LRMDA: variants seen among roughly 807,000 people sequenced by gnomAD.
The protein encoded by LRMDA is leucine rich melanocyte differentiation associated.
A neutral mutation model predicts 29.8 loss-of-function variants in LRMDA; 18 were observed. That is an observed-to-expected ratio of 0.60 (90% CI 0.42 to 0.90). The LOEUF is 0.90. LRMDA is among the 40% of genes least tolerant of loss of function. The pLI is 0.00. For missense variants in LRMDA, 273 were observed against 273.9 expected, an observed-to-expected ratio of 1.00 and a Z score of 0.02; for synonymous variants, 125 against 109.4, an observed-to-expected ratio of 1.14 and a Z score of -0.89.
chr10:76,517,878 C>T (rs1012597316), intron 6 of LRMDA, among the ~76,000 whole-genome samples: 4 of 148,358 alleles, frequency 2.7e-5, no homozygotes, highest in African/African-American at 5.0e-5. Context: ...CACGAATCAC[C>T]GCCAAAAAAA....
chr10:76,486,742 G>A (rs1469342133), intron 6 of LRMDA, among the ~76,000 whole-genome samples: 2 of 151,880 alleles, frequency 1.3e-5, no homozygotes, highest in Admixed American at 6.6e-5. Flanking sequence ...GGACAACAGA[G>A]GCTACTTTCC....
intron 2 of LRMDA, among the ~76,000 whole-genome samples, chr10:75,563,870 T>C (rs944359963): frequency 1.3e-5 from 2 of 152,162 alleles, no homozygotes; most frequent in Non-Finnish European, 2.9e-5. Context: ...CGAATGCTGC[T>C]GTCTGATCGT....
At chr10:75,515,220 A>C (rs909518330) in intron 2 of LRMDA, among the ~76,000 whole-genome samples, 2 of 152,156 alleles carry the variant, frequency 1.3e-5, no homozygotes, top group African/African-American at 4.8e-5. Flanking sequence ...GGGCTGGTGG[A>C]TGGTGGTGGG....
At chr10:76,123,697 GA>G (rs1342042539) in intron 5 of LRMDA, among the ~76,000 whole-genome samples, 1 of 152,186 alleles carries the variant, frequency 6.6e-6, no homozygotes. Context: ...ATCTGTGAAG[GA>G]ATTCTTTCAC....
At chr10:75,788,417 C>G (rs184419415) in intron 2 of LRMDA, among the ~76,000 whole-genome samples, 1 of 152,050 alleles carries the variant, frequency 6.6e-6, no homozygotes, top group African/African-American at 2.4e-5. Context: ...AAGTTTTAAG[C>G]AGGAAGGAAG....
At chr10:76,410,674 TG>T (rs767550869) in intron 6 of LRMDA, among the ~76,000 whole-genome samples, 5 of 151,586 alleles carry the variant, frequency 3.3e-5, no homozygotes, top group Admixed American at 2.0e-4. Context: ...AAGATCATTC[TG>T]GCTGGGAGTG....
intron 2 of LRMDA, among the ~76,000 whole-genome samples, chr10:75,445,896 T>TA (rs1475698030): frequency 2.0e-5 from 3 of 152,262 alleles, no homozygotes; most frequent in Non-Finnish European, 2.9e-5. Flanking sequence ...ATCACTCTGA[T>TA]AAATGCATGG....
chr10:76,235,654 G>A (rs72817418), intron 5 of LRMDA, among the ~76,000 whole-genome samples: 4,892 of 152,238 alleles, frequency 0.032, 113 homozygotes, highest in Non-Finnish European at 0.046. Flanking sequence ...TGGCTGATAA[G>A]ATTCTACGGG....
chr10:76,354,958 C>T (rs758206323), intron 6 of LRMDA, among the ~76,000 whole-genome samples: 39 of 152,180 alleles, frequency 2.6e-4, no homozygotes, highest in Non-Finnish European at 5.4e-4. Flanking sequence ...CATCCCCCTG[C>T]ACTGCACCAA....
chr10:76,437,226 C>T (rs1039481944), intron 6 of LRMDA, among the ~76,000 whole-genome samples: 9 of 152,332 alleles, frequency 5.9e-5, no homozygotes, highest in African/African-American at 1.7e-4. Flanking sequence ...ATTCCTCTGC[C>T]TGAACAGCTT....
chr10:76,042,164 A>G (rs1023830547), intron 3 of LRMDA, among the ~76,000 whole-genome samples: 6 of 152,222 alleles, frequency 3.9e-5, no homozygotes, highest in Non-Finnish European at 7.3e-5. Context: ...TGGTGCTATC[A>G]GCATAAAGGC....
intron 5 of LRMDA, among the ~76,000 whole-genome samples, chr10:76,243,576 T>G (rs1852319453): frequency 6.6e-6 from 1 of 152,214 alleles, no homozygotes; most frequent in Non-Finnish European, 1.5e-5. Context: ...GAGCAAGGTA[T>G]AAGGGGAACT....
chr10:75,933,930 G>A (rs1156849949), intron 2 of LRMDA, among the ~76,000 whole-genome samples: 1 of 152,182 alleles, frequency 6.6e-6, no homozygotes. Flanking sequence ...CAGCTGTAAA[G>A]GTAATATACT....
intron 6 of LRMDA, among the ~76,000 whole-genome samples, chr10:76,467,053 T>G (rs1411644420): frequency 1.3e-5 from 2 of 152,192 alleles, no homozygotes; most frequent in Non-Finnish European, 2.9e-5. Context: ...TAAATAGGAC[T>G]GCAACTCAAT....
intron 2 of LRMDA, among the ~76,000 whole-genome samples, chr10:76,033,697 T>C (rs1181537304): frequency 6.6e-6 from 1 of 152,134 alleles, no homozygotes; most frequent in Non-Finnish European, 1.5e-5. Context: ...AACTGATGTT[T>C]GTGCACAAAG....
intron 2 of LRMDA, among the ~76,000 whole-genome samples, chr10:75,889,373 T>C (rs1036797347): frequency 1.3e-5 from 2 of 152,194 alleles, no homozygotes; most frequent in Non-Finnish European, 2.9e-5. Context: ...CCTTCAGCTA[T>C]TGTCTTGAGT....
chr10:75,775,203 A>G (rs1198874019), intron 2 of LRMDA, among the ~76,000 whole-genome samples: 1 of 152,206 alleles, frequency 6.6e-6, no homozygotes, highest in Non-Finnish European at 1.5e-5. Flanking sequence ...AGCCTTTGCA[A>G]TTCTTTTGGT....
intron 5 of LRMDA, among the ~76,000 whole-genome samples, chr10:76,268,808 C>A (rs927195380): frequency 6.6e-6 from 1 of 152,160 alleles, no homozygotes; most frequent in African/African-American, 2.4e-5. Flanking sequence ...GTCAGTCAAT[C>A]TCTCTCTACC....
chr10:76,494,218 C>G (rs1177723416), intron 6 of LRMDA, among the ~76,000 whole-genome samples: 1 of 151,774 alleles, frequency 6.6e-6, no homozygotes, highest in Admixed American at 6.6e-5. Flanking sequence ...AGTCATATGT[C>G]TAACAGAAGT....
Sources: gnomAD v4.1 joint callset for allele counts (sites outside exome capture counted in the v4.1 genomes callset) on GRCh38, gnomAD v4.1.1 for gene constraint, MANE v1.5 for transcripts, NCBI Gene and HGNC (gene_info 2026-07-23, HGNC 2026-07-21) for gene names.